The following ROS1 variants were observed in gnomAD, a reference collection of about 807,000 sequenced individuals.
ROS1 encodes the protein ROS proto-oncogene 1, receptor tyrosine kinase.
Under a neutral mutation model 273.5 loss-of-function variants are expected in ROS1, and 263 were observed. The ratio of observed to expected loss-of-function variants is 0.96; its 90% confidence interval spans 0.87 to 1.06. The LOEUF (loss-of-function observed/expected upper bound fraction) is 1.06, where lower values mean the gene tolerates loss of function less well. Ranked by LOEUF, ROS1 falls within the 50% of genes least tolerant of loss-of-function variation. The pLI is 0.00. For synonymous variants in ROS1, 1,008 were observed against 954.1 expected, an observed-to-expected ratio of 1.06 and a Z score of -1.04; for missense variants, 2,833 against 2,751.1, an observed-to-expected ratio of 1.03 and a Z score of -0.67.
At chr6:117,361,201 T>C (rs1404099795) in intron 22 of ROS1, among the ~76,000 whole-genome samples, 2 of 152,096 alleles carry the variant, frequency 1.3e-5, no homozygotes, top group Non-Finnish European at 2.9e-5. Flanking sequence ...GTTTATTTTT[T>C]TTCTTAGATA....
chr6:117,383,088 T>TTTG (rs1772281110), intron 17 of ROS1, among the ~76,000 whole-genome samples: 1 of 152,134 alleles, frequency 6.6e-6, no homozygotes, highest in Non-Finnish European at 1.5e-5. Flanking sequence ...CCATAGTGCA[T>TTTG]TTGAACTTAC....
Position 117,389,802 on chromosome 6 carries a change from A to G in ROS1, c.1334T>C (p.Leu445Pro). Residue 445 changes from leucine (L) to proline (P), a missense_variant, in exon 13 of 44, where the codon CTT (leucine) becomes CCT (proline). Transcript: ENST00000368507. Reference protein sequence around the residue: ...LLRDGIYRADLPVPSGRCAEA... With the variant: ...LLRDGIYRADPPVPSGRCAEA... ...TGCACACCGGCCAGATGGTACAGGAAGGTCTGCTCTATAAATGCCATCTCT... is the reference window on the plus strand; with the variant it reads ...TGCACACCGGCCAGATGGTACAGGAGGGTCTGCTCTATAAATGCCATCTCT... 6.2e-7 allele frequency: 1 copy of G among 1,613,450 alleles called. No homozygotes were observed. The highest frequency in any genetic ancestry group is 2.2e-5 in the East Asian group (1 of 44,858).
At chr6:117,331,569 A>G (rs1777078887) in intron 32 of ROS1, among the ~76,000 whole-genome samples, 1 of 152,176 alleles carries the variant, frequency 6.6e-6, no homozygotes. Context: ...AATCAAGTAA[A>G]AACTGTTAAG....
intron 2 of ROS1, among the ~76,000 whole-genome samples, chr6:117,417,097 C>CG (rs1361536232): frequency 6.6e-6 from 1 of 152,034 alleles, no homozygotes; most frequent in East Asian, 1.9e-4. Context: ...ATGTTGATAT[C>CG]CCCCAAACTT....
At chr6:117,398,478 A>T (rs868300897) in intron 7 of ROS1, among the ~76,000 whole-genome samples, 25 of 152,182 alleles carry the variant, frequency 1.6e-4, no homozygotes, top group African/African-American at 5.8e-4. Flanking sequence ...CAGGAGTTCG[A>T]GATCAGCCTG....
chr6:117,381,186 T>G (rs921745414), intron 17 of ROS1, among the ~76,000 whole-genome samples: 2 of 150,984 alleles, frequency 1.3e-5, no homozygotes, highest in Admixed American at 6.6e-5. Context: ...GAGGACTGTT[T>G]TTTTTTTTTT....
intron 26 of ROS1, among the ~76,000 whole-genome samples, chr6:117,355,230 T>A (rs1321829171): frequency 6.6e-6 from 1 of 151,202 alleles, no homozygotes; most frequent in Non-Finnish European, 1.5e-5. Flanking sequence ...AGAAAAGGTC[T>A]TTGTCACAGG....
At chr6:117,310,696 T>C (rs1415904551) in intron 40 of ROS1, among the ~76,000 whole-genome samples, 1 of 152,156 alleles carries the variant, frequency 6.6e-6, no homozygotes, top group Non-Finnish European at 1.5e-5. Flanking sequence ...GCTTCATCCA[T>C]GTTCCCTCAA....
rs141715386 is a variant in ROS1 at position 117,385,709 on chromosome 6, G to A, written c.2263C>T (p.Leu755Phe). 2 of 1,613,972 alleles carry A rather than the reference G, an allele frequency of 1.2e-6. No homozygotes were observed. Among genetic ancestry groups the A allele is most frequent in the Non-Finnish European group, 1.7e-6 (2 of 1,180,012 alleles). The change falls in exon 16 of 44, where the codon CTC (leucine) becomes TTC (phenylalanine). Residue 755 changes from leucine (L) to phenylalanine (F), a missense_variant. Coordinates refer to ENST00000368507, the MANE Select transcript of ROS1 (RefSeq NM_001378902.1). ...ACATATGTCTTTCCAGCCCAGTAGA[G>A]AAAGTGACCCAGCCACTCAAAAGCT... ...ALAFEWLGHF[L>F]YWAGKTYVIQ... is the part of the protein sequence containing the mutation.
chr6:117,385,684 A>T lies in ROS1; in HGVS notation c.2288T>A (p.Val763Glu). Residue 763 changes from valine (V) to glutamate (E), a missense_variant and splice_region_variant, in exon 16 of 44, where the codon GTG becomes GAG. Transcript: ENST00000368507. ...CCAGAATGCCATGCTTTAACTCACC[A>T]CATATGTCTTTCCAGCCCAGTAGAG... The part of the protein sequence containing the change: ...HFLYWAGKTY[V>E]IQRQSVLTGH... 1 of 1,614,056 alleles carries T rather than the reference A, an allele frequency of 6.2e-7. No homozygotes were observed. The highest frequency in any genetic ancestry group is 8.5e-7 in the Non-Finnish European group (1 of 1,179,994).
chr6:117,313,508 G>A (rs543202446), intron 39 of ROS1, among the ~76,000 whole-genome samples: 1 of 152,020 alleles, frequency 6.6e-6, no homozygotes, highest in African/African-American at 2.4e-5. Flanking sequence ...GGGAGGCAGA[G>A]GTTGCAGTGA....
intron 18 of ROS1, among the ~76,000 whole-genome samples, chr6:117,378,349 T>C (rs957332118): frequency 1.3e-5 from 2 of 152,148 alleles, no homozygotes; most frequent in African/African-American, 2.4e-5. Context: ...GAAAAACTAG[T>C]ACACATAACA....
chr6:117,381,039 C>T (rs1284076946), intron 17 of ROS1, among the ~76,000 whole-genome samples: 4 of 152,150 alleles, frequency 2.6e-5, no homozygotes, highest in East Asian at 3.9e-4. Context: ...AAGAGCTTTG[C>T]TGGATGCAAA....
chr6:117,289,630 G>C (rs1773687312), intron 43 of ROS1, among the ~76,000 whole-genome samples: 2 of 152,158 alleles, frequency 1.3e-5, no homozygotes, highest in South Asian at 4.1e-4. Flanking sequence ...AACTGCTGAA[G>C]AACAAGATAG....
Position 117,317,244 on chromosome 6 carries a change from G to A in ROS1, c.6016C>T (p.Gln2006Ter), listed in dbSNP as rs2128555745. The change falls in exon 39 of 44, where the codon CAG becomes TAG. Residue 2006 changes from glutamine (Q) to a stop codon, truncating the protein, a stop_gained. Transcript: ENST00000368507. LOFTEE classifies it high-confidence loss of function. ...SKFNHPNILK[Q>*]LGVCLLNEPQ... ...TCATTCAGCAGACAAACTCCAAGCT[G>A]CTTCAGAATGTTGGGATGATTAAAT... is the stretch of plus-strand genomic sequence containing the variant. 6.2e-7 allele frequency: 1 copy of A among 1,612,692 alleles called. No individual in the cohort carries two copies. The highest frequency in any genetic ancestry group is 8.5e-7 in the Non-Finnish European group (1 of 1,179,384).
intron 1 of ROS1, among the ~76,000 whole-genome samples, chr6:117,421,092 T>A (rs994679150): frequency 3.3e-5 from 5 of 151,152 alleles, no homozygotes; most frequent in Non-Finnish European, 7.4e-5. Context: ...ATTGATAATT[T>A]ATTTTTATTC....
chr6:117,316,226 A>T (rs1271253598), intron 39 of ROS1, among the ~76,000 whole-genome samples: 1 of 152,056 alleles, frequency 6.6e-6, no homozygotes, highest in Non-Finnish European at 1.5e-5. Flanking sequence ...ATTTACCCCA[A>T]ATTGAAAAAT....
At chr6:117,367,999 C>T (rs1780413513) in intron 18 of ROS1, among the ~76,000 whole-genome samples, 1 of 152,152 alleles carries the variant, frequency 6.6e-6, no homozygotes, top group African/African-American at 2.4e-5. Flanking sequence ...ATTTATTATC[C>T]TAGCCTGCTG....
chr6:117,351,103 G>A (rs532044710), intron 27 of ROS1, among the ~76,000 whole-genome samples: 2 of 152,160 alleles, frequency 1.3e-5, no homozygotes, highest in Non-Finnish European at 2.9e-5. Context: ...CTGTAAATGG[G>A]CCTTTAGTAA....
Sources: allele counts gnomAD v4.1 joint callset (sites outside exome capture counted in the v4.1 genomes callset), GRCh38; gene constraint gnomAD v4.1.1; transcripts MANE v1.5; gene names NCBI Gene and HGNC (gene_info 2026-07-23, HGNC 2026-07-21).